PGBD5: variants seen among roughly 807,000 people sequenced by gnomAD.
PGBD5 encodes piggyBac transposable element-derived protein 5.
PGBD5 carries 14 observed loss-of-function variants against 47.9 expected under a neutral mutation model. The ratio of observed to expected loss-of-function variants is 0.29; its 90% CI spans 0.19 to 0.46. PGBD5 has a LOEUF of 0.46. Among genes scored for constraint, PGBD5 ranks in the 20% least tolerant of loss-of-function variants. PGBD5 has a pLI of 1.00. For missense variants in PGBD5, 635 were observed against 716.0 expected (o/e 0.89, Z 1.29); for synonymous variants, 316 against 306.3 (o/e 1.03, Z -0.33).
At chr1:230,348,741 C>T (rs1327758545) in intron 3 of PGBD5, among the ~76,000 whole-genome samples, 4 of 152,220 alleles carry the variant, frequency 2.6e-5, no homozygotes, top group South Asian at 4.1e-4. Context: ...CCTTTCCCTG[C>T]GCTGTGCCTG....
At chr1:230,389,028 C>T (rs1269295842) in intron 1 of PGBD5, among the ~76,000 whole-genome samples, 1 of 152,260 alleles carries the variant, frequency 6.6e-6, no homozygotes, top group Non-Finnish European at 1.5e-5. Flanking sequence ...TGGGAGGAAG[C>T]TGCCTTGGGC....
At position 230,361,418 on chromosome 1, in the gene PGBD5, T is replaced by C. The variant is rs549177198; in HGVS notation, c.332-4097A>G. ...AAGGGTTGTGCATGCTGATGGTGCA[T>C]TGCCAGACAAAACTCATACTGCCAT... On this transcript the variant is annotated intron_variant, in intron 1 of 6. Coordinates refer to ENST00000391860, the MANE Select transcript of PGBD5 (RefSeq NM_001258311.2). 1.5e-3 allele frequency among the ~76,000 whole-genome samples: 225 copies of C among 152,164 alleles called. 1 individual carries two copies. Among genetic ancestry groups the C allele is most frequent in the African/African-American group, 5.1e-3 (213 of 41,510 alleles).
At chr1:230,377,676 C>T (rs1668035386) in intron 1 of PGBD5, 1 of 1,447,744 alleles carries the variant, frequency 6.9e-7, no homozygotes, top group Non-Finnish European at 9.1e-7. Flanking sequence ...ACACAGCCTT[C>T]ATTTCCCCAT....
At chr1:230,360,763 T>C (rs1421817209) in intron 1 of PGBD5, among the ~76,000 whole-genome samples, 1 of 152,174 alleles carries the variant, frequency 6.6e-6, no homozygotes. Flanking sequence ...CATAGCAGCA[T>C]GAGAACGGAC....
rs1035518106 is a variant in PGBD5, at chr1:230,316,387, T to C, written c.*7038A>G. The C allele has an allele frequency of 1.3e-5, 2 of 152,174 alleles. No homozygotes were observed. Among genetic ancestry groups the C allele is most frequent in the African/African-American group, 4.8e-5 (2 of 41,438 alleles). The allele number at this position is 152,174 out of a possible 1,614,324, so 9.4% of individuals were successfully genotyped here. A position where few individuals can be genotyped will look rare whatever the true frequency, so the allele number is the denominator to read the frequency against. On this transcript the variant is annotated 3_prime_UTR_variant, in exon 7 of 7. Coordinates refer to ENST00000391860, the MANE Select transcript of PGBD5 (RefSeq NM_001258311.2). Reference sequence around the variant, plus strand: ...AATCCTGCAACTCCAGATCTTCAATTTACACTGAACACCGTACGCAATTGT... The same window carrying C: ...AATCCTGCAACTCCAGATCTTCAATCTACACTGAACACCGTACGCAATTGT...
chr1:230,369,517 C>A (rs949355480), intron 1 of PGBD5, among the ~76,000 whole-genome samples: 1 of 152,226 alleles, frequency 6.6e-6, no homozygotes, highest in Non-Finnish European at 1.5e-5. Flanking sequence ...CCTGCTTTAA[C>A]AGCCATGCCA....
At chr1:230,363,011 G>A (rs571387801) in intron 1 of PGBD5, among the ~76,000 whole-genome samples, 2 of 152,226 alleles carry the variant, frequency 1.3e-5, no homozygotes, top group East Asian at 1.9e-4. Context: ...AATCAAGTGG[G>A]GGTGGGCCTA....
At chr1:230,369,995 G>A (rs1373127985) in intron 1 of PGBD5, among the ~76,000 whole-genome samples, 1 of 152,220 alleles carries the variant, frequency 6.6e-6, no homozygotes, top group Admixed American at 6.5e-5. Flanking sequence ...TGTCCGCCCA[G>A]GGGCAAATAA....
rs951255755 is a variant in PGBD5 at position 230,396,641 on chromosome 1, C to T, written c.331+28957G>A. On this transcript the variant is annotated intron_variant, in intron 1 of 6. Coordinates refer to ENST00000391860, the MANE Select transcript of PGBD5 (RefSeq NM_001258311.2). ...ACACTCAACCCAGAGACACACCTAT[C>T]CTGAGGCACCTGAGGACGGCACACA... Among the ~76,000 whole-genome samples, 48 of 141,046 alleles carry T rather than the reference C, an allele frequency of 3.4e-4. 1 individual carries two copies. The highest frequency in any genetic ancestry group is 1.2e-4 in the Non-Finnish European group (8 of 66,450). 92.5% of individuals were successfully genotyped at this position (141,046 alleles called of 152,430 possible). A position where few individuals can be genotyped will look rare whatever the true frequency, so the allele number is the denominator to read the frequency against.
chr1:230,358,598 C>A (rs570102457), intron 1 of PGBD5, among the ~76,000 whole-genome samples: 3 of 152,204 alleles, frequency 2.0e-5, no homozygotes, highest in African/African-American at 7.2e-5. Flanking sequence ...CCCGCCCCCC[C>A]ACAAGATGTT....
At chr1:230,356,054 TGTGCAGTGG>T (rs1243297990) in intron 2 of PGBD5, among the ~76,000 whole-genome samples, 1 of 152,210 alleles carries the variant, frequency 6.6e-6, no homozygotes, top group Non-Finnish European at 1.5e-5. Context: ...GACAGAGAGA[TGTGCAGTGG>T]GTCTTTAAAT....
At chr1:230,370,979 T>C (rs1299969666) in intron 1 of PGBD5, among the ~76,000 whole-genome samples, 1 of 152,168 alleles carries the variant, frequency 6.6e-6, no homozygotes. Flanking sequence ...CTCAGGGCCT[T>C]CTTTTCTCTT....
At position 230,410,686 on chromosome 1, in the gene PGBD5, G is replaced by A. The variant is rs1225695722; in HGVS notation, c.331+14912C>T. Among the ~76,000 whole-genome samples, 4 of 152,218 alleles carry A rather than the reference G, an allele frequency of 2.6e-5. No homozygotes were observed. In the East Asian group the frequency reaches 7.7e-4, roughly 29 times the overall value. On this transcript the variant is annotated intron_variant, in intron 1 of 6. Transcript: ENST00000391860. ...CACTCCAGAAGATTTACTCTGAGGA[G>A]ACTTTAGTGTCAAATGCCTTCAATA...
At chr1:230,409,526 C>A (rs535842358) in intron 1 of PGBD5, among the ~76,000 whole-genome samples, 3 of 152,214 alleles carry the variant, frequency 2.0e-5, no homozygotes, top group African/African-American at 7.2e-5. Context: ...AGAAAAAGGA[C>A]TGAAATACTG....
chr1:230,340,874 C>T (rs934558750), intron 3 of PGBD5, among the ~76,000 whole-genome samples: 3 of 152,098 alleles, frequency 2.0e-5, no homozygotes, highest in African/African-American at 7.2e-5. Context: ...TACTCAGCCT[C>T]GTGTCCACAC....
Position 230,373,869 on chromosome 1 carries a change from T to C in PGBD5, c.332-16548A>G, listed in dbSNP as rs75706319. 1.5e-3 allele frequency among the ~76,000 whole-genome samples: 234 copies of C among 152,200 alleles called. 1 individual carries two copies. Among genetic ancestry groups the C allele is most frequent in the African/African-American group, 5.4e-3 (225 of 41,532 alleles). On this transcript the variant is annotated intron_variant, in intron 1 of 6. Transcript: ENST00000391860. ...CCACCACACCCGGCTAATTTTTAGT[T>C]TAATTTTTCGTAGAGATGGTGTCTC...
intron 1 of PGBD5, among the ~76,000 whole-genome samples, chr1:230,417,811 A>G (rs760737682): frequency 2.0e-5 from 3 of 152,206 alleles, no homozygotes; most frequent in Non-Finnish European, 2.9e-5. Flanking sequence ...CCCAGGGGAC[A>G]TGTCTAACTT....
intron 3 of PGBD5, among the ~76,000 whole-genome samples, chr1:230,349,619 T>C (rs1010790423): frequency 2.7e-5 from 4 of 149,564 alleles, no homozygotes; most frequent in Non-Finnish European, 4.4e-5. Flanking sequence ...CCTGGCACAA[T>C]TGTGTGCAGG....
At chr1:230,387,510 G>T (rs1362668372) in intron 1 of PGBD5, among the ~76,000 whole-genome samples, 1 of 152,220 alleles carries the variant, frequency 6.6e-6, no homozygotes, top group Non-Finnish European at 1.5e-5. Context: ...AGGCTGGGGG[G>T]AGGCTCCTTA....
Sources: gnomAD v4.1 joint callset for allele counts (sites outside exome capture counted in the v4.1 genomes callset) on GRCh38, gnomAD v4.1.1 for gene constraint, MANE v1.5 for transcripts, NCBI Gene and HGNC (gene_info 2026-07-23, HGNC 2026-07-21) for gene names.